Variants in RNF212 observed in about 807,000 individuals in gnomAD.
RNF212 encodes ring finger protein 212.
In RNF212, 33 loss-of-function variants were observed where a neutral mutation model predicts 34.7. The ratio of observed to expected loss-of-function variants is 0.95; its 90% confidence interval spans 0.72 to 1.27. RNF212 has a LOEUF of 1.27. Among genes scored for constraint, RNF212 ranks in the 50% most tolerant of loss-of-function variants. The pLI, the probability that RNF212 is intolerant of heterozygous loss-of-function variation, is 0.00. For synonymous variants in RNF212, 140 were observed against 136.1 expected, an observed-to-expected ratio of 1.03 and a Z score of -0.20; for missense variants, 377 against 362.2, an observed-to-expected ratio of 1.04 and a Z score of -0.33.
intron 3 of RNF212, among the ~76,000 whole-genome samples, chr4:1,060,187 C>CT (rs1717658708): frequency 6.6e-6 from 1 of 151,786 alleles, no homozygotes; most frequent in Admixed American, 6.6e-5. Flanking sequence ...GATGAAGAGA[C>CT]TGAGGACCCA....
chr4:1,108,067 G>T (rs1351291693), intron 2 of RNF212, among the ~76,000 whole-genome samples: 3 of 152,234 alleles, frequency 2.0e-5, no homozygotes, highest in Non-Finnish European at 2.9e-5. Context: ...TAAGGTGCCT[G>T]TATTGTGCTG....
At chr4:1,110,215 G>A (rs4246683) in intron 1 of RNF212, among the ~76,000 whole-genome samples, 123,816 of 152,094 alleles carry the variant, frequency 0.81, 52,059 homozygotes, top group East Asian at 1. Flanking sequence ...TAGTCAATTA[G>A]AAAGAAACAC....
chr4:1,079,419 A>G (rs988631192), intron 8 of RNF212, among the ~76,000 whole-genome samples: 1 of 152,256 alleles, frequency 6.6e-6, no homozygotes, highest in Non-Finnish European at 1.5e-5. Context: ...GTTTCTCCAG[A>G]TGCAACTGCA....
chr4:1,069,441 C>T (rs1162512318), downstream of RNF212, among the ~76,000 whole-genome samples: 5 of 152,180 alleles, frequency 3.3e-5, no homozygotes, highest in African/African-American at 1.2e-4. Context: ...TATCTCTCCA[C>T]AAGACACTCA....
At chr4:1,077,407 CT>C (rs906776995) in intron 8 of RNF212, among the ~76,000 whole-genome samples, 1 of 151,846 alleles carries the variant, frequency 6.6e-6, no homozygotes, top group Non-Finnish European at 1.5e-5. Flanking sequence ...TTTCTTTTTT[CT>C]TTTTTTTAGA....
chr4:1,105,502 C>T (rs973847962), intron 2 of RNF212, among the ~76,000 whole-genome samples: 15 of 152,346 alleles, frequency 9.8e-5, no homozygotes, highest in African/African-American at 3.6e-4. Context: ...CAGAATAATC[C>T]AGGTCAAGGA....
intron 8 of RNF212, among the ~76,000 whole-genome samples, chr4:1,075,582 C>T (rs1046615003): frequency 3.9e-5 from 6 of 152,256 alleles, no homozygotes; most frequent in Non-Finnish European, 8.8e-5. Flanking sequence ...CTTCTGCTAC[C>T]AGGCCCCACC....
At chr4:1,099,470 C>A (rs619407) in intron 2 of RNF212, among the ~76,000 whole-genome samples, 1 of 151,998 alleles carries the variant, frequency 6.6e-6, no homozygotes, top group Non-Finnish European at 1.5e-5. Flanking sequence ...GTGGGGCCTC[C>A]TGCAGTGAGA....
chr4:1,081,988 T>C (rs990149911), intron 5 of RNF212: 2 of 288,906 alleles, frequency 6.9e-6, no homozygotes, highest in East Asian at 9.4e-5. Flanking sequence ...TGGTGCCTCA[T>C]GTCCATCATC....
At chr4:1,090,901 T>C (rs568449311) in intron 3 of RNF212, 63 bp from the exon 4 acceptor site, 190 of 1,071,878 alleles carry the variant, frequency 1.8e-4, no homozygotes, top group Middle Eastern at 2.5e-4. Flanking sequence ...TGGAGTTTTG[T>C]TGGGGGAGGA....
At chr4:1,099,988 C>T (rs942173121) in intron 2 of RNF212, 3 of 418,696 alleles carry the variant, frequency 7.2e-6, no homozygotes, top group East Asian at 7.1e-5. Context: ...TAGGCAGGAA[C>T]GGGGTTCTCT....
At chr4:1,059,122 C>G (rs1224359207) in intron 3 of RNF212, among the ~76,000 whole-genome samples, 2 of 152,250 alleles carry the variant, frequency 1.3e-5, no homozygotes, top group Non-Finnish European at 2.9e-5. Context: ...GTGACTGTGA[C>G]TGGCCAGTGC....
chr4:1,089,890 C>A (rs778685895), intron 4 of RNF212, among the ~76,000 whole-genome samples: 2 of 152,232 alleles, frequency 1.3e-5, no homozygotes, highest in Non-Finnish European at 2.9e-5. Flanking sequence ...TCATGCGGAA[C>A]TGTGAGTCCA....
At chr4:1,086,812 A>G (rs1168637986) in intron 4 of RNF212, among the ~76,000 whole-genome samples, 5 of 1,046 alleles carry the variant, frequency 4.8e-3, no homozygotes, top group Admixed American at 0.014. Context: ...GAGGAGAGAG[A>G]ATGGGGTGGG....
chr4:1,065,721 G>C (rs555478832), intron 3 of RNF212, among the ~76,000 whole-genome samples: 14 of 151,908 alleles, frequency 9.2e-5, no homozygotes, highest in Non-Finnish European at 1.9e-4. Context: ...CAAGTAGCTG[G>C]GACTACAGGT....
intron 8 of RNF212, among the ~76,000 whole-genome samples, chr4:1,075,175 T>C (rs1275745718): frequency 6.6e-6 from 1 of 152,344 alleles, no homozygotes; most frequent in South Asian, 2.1e-4. Flanking sequence ...GGAGGGGCTG[T>C]GTACGCATCG....
intron 1 of RNF212, among the ~76,000 whole-genome samples, chr4:1,112,859 C>A (rs1480040675): frequency 1.2e-5 from 1 of 81,068 alleles, no homozygotes; most frequent in East Asian, 4.2e-4. Flanking sequence ...CCTTGCCCCC[C>A]TCCTCTGGCG....
chr4:1,082,317 C>T (rs1270523601), intron 5 of RNF212, among the ~76,000 whole-genome samples: 14 of 152,194 alleles, frequency 9.2e-5, no homozygotes, highest in Admixed American at 1.3e-4. Context: ...GGCTGCTGCA[C>T]CTGGGTCCTC....
At chr4:1,105,635 T>C (rs929433242) in intron 2 of RNF212, among the ~76,000 whole-genome samples, 5 of 152,360 alleles carry the variant, frequency 3.3e-5, no homozygotes, top group African/African-American at 9.6e-5. Flanking sequence ...CATCAGAGGG[T>C]ACTGCACTAA....
Sources: allele counts gnomAD v4.1 joint callset (sites outside exome capture counted in the v4.1 genomes callset), GRCh38; gene constraint gnomAD v4.1.1; transcripts MANE v1.5; gene names NCBI Gene and HGNC (gene_info 2026-07-23, HGNC 2026-07-21).